The following TSHZ1 variants were observed in gnomAD, a reference collection of about 807,000 sequenced individuals.
TSHZ1 encodes the protein teashirt homolog 1.
TSHZ1 carries 12 observed loss-of-function variants against 67.1 expected under a neutral mutation model. The observed-to-expected ratio is 0.18, with a 90% CI of 0.11 to 0.29. The LOEUF is 0.29. Among genes scored for constraint, TSHZ1 ranks in the 10% least tolerant of loss-of-function variants. TSHZ1 has a pLI of 1.00. For missense variants in TSHZ1, 1,305 were observed against 1,413.9 expected, an observed-to-expected ratio of 0.92 and a Z score of 1.23; for synonymous variants, 632 against 622.4, an observed-to-expected ratio of 1.02 and a Z score of -0.23.
At chr18:75,213,548 G>A (rs975726096) in intron 1 of TSHZ1, among the ~76,000 whole-genome samples, 7 of 152,058 alleles carry the variant, frequency 4.6e-5, no homozygotes, top group Admixed American at 3.9e-4. Flanking sequence ...AACTTTTGCA[G>A]TTAAAATTGC....
rs767947621 is a variant in TSHZ1 at position 75,287,363 on chromosome 18, CAAG to C, written c.1960_1962del (p.Lys654del). ...AGAAGGTCACGGGCAAGGTCAACAT[CAAG>C]AAGGAGGAGAGACCCCCTGAGAAGG... On this transcript the variant is annotated inframe_deletion, in exon 2 of 2. Transcript: ENST00000580243. This position sits in a 1 kb window ranked among gnomAD's most constrained non-coding sequence, Gnocchi z 5.0. The C allele has an allele frequency of 6.2e-7, 1 of 1,614,098 alleles. No individual in the cohort carries two copies. The highest frequency in any genetic ancestry group is 1.1e-5 in the South Asian group (1 of 91,078).
chr18:75,281,170 G>A lies in TSHZ1; in HGVS notation c.41-4278G>A, dbSNP rs1436044664. ...GAATGTCACGGACCAGGAGTGGAGC[G>A]AGGTCATCTGGGGACGTTGGAAGGC... On this transcript the variant is annotated intron_variant, in intron 1 of 1. Transcript: ENST00000580243. The surrounding 1 kb of genome is among the most constrained non-coding windows in gnomAD (Gnocchi z 5.3). 1.3e-5 allele frequency among the ~76,000 whole-genome samples: 2 copies of A among 152,212 alleles called. No homozygotes were observed. The highest frequency in any genetic ancestry group is 1.3e-4 in the Admixed American group (2 of 15,290).
chr18:75,213,930 A>G (rs2022732723), intron 1 of TSHZ1, among the ~76,000 whole-genome samples: 1 of 152,216 alleles, frequency 6.6e-6, no homozygotes, highest in African/African-American at 2.4e-5. Flanking sequence ...TTGAGAGGGA[A>G]AAAACCCTAA....
chr18:75,218,146 T>G (rs1379729542), intron 1 of TSHZ1, among the ~76,000 whole-genome samples: 3 of 152,180 alleles, frequency 2.0e-5, no homozygotes, highest in African/African-American at 7.2e-5. Flanking sequence ...TTAGGTAGAT[T>G]AGAGCAAAGG....
In TSHZ1 at chr18:75,285,881, C is replaced by CACA; in HGVS notation, c.475_477dup (p.Thr159dup). ...AGAAGGAGAGCTCCGCCCCCACCCC[C>CACA]ACACCCCCCACCTGCCCCGTCAGCA... is the stretch of plus-strand genomic sequence containing the variant. On this transcript the variant is annotated inframe_insertion, in exon 2 of 2. Coordinates refer to ENST00000580243, the MANE Select transcript of TSHZ1 (RefSeq NM_001308210.2). 6.6e-7 allele frequency: 1 copy of CACA among 1,523,254 alleles called. No individual in the cohort carries two copies. The highest frequency in any genetic ancestry group is 8.9e-7 in the Non-Finnish European group (1 of 1,127,866). The allele number at this position is 1,523,254 out of a possible 1,614,324, so 94.4% of individuals were successfully genotyped here.
rs758255995 is a variant in TSHZ1 at position 75,287,029 on chromosome 18, T to G, written c.1622T>G (p.Leu541Arg). ...TLYPYLREEDLDDSPKGGLDI... is the reference protein window; with the variant it reads ...TLYPYLREEDRDDSPKGGLDI... ...TACCCGTACCTGCGTGAGGAGGACC[T>G]GGACGACAGCCCCAAGGGAGGGCTG... Residue 541 changes from leucine (L) to arginine (R), a missense_variant, in exon 2 of 2, where the codon CTG becomes CGG. Coordinates refer to ENST00000580243, the MANE Select transcript of TSHZ1 (RefSeq NM_001308210.2). The surrounding 1 kb of genome is among the most constrained non-coding windows in gnomAD (Gnocchi z 5.0). 2.5e-6 allele frequency: 4 copies of G among 1,613,922 alleles called. No individual in the cohort carries two copies. The Admixed American group carries it at 5.0e-5, about 20-fold the overall frequency.
intron 1 of TSHZ1, among the ~76,000 whole-genome samples, chr18:75,222,102 G>A (rs1411469612): frequency 2.6e-5 from 4 of 152,100 alleles, no homozygotes; most frequent in African/African-American, 7.2e-5. Flanking sequence ...GCGCACTGGC[G>A]GTTTTAAAAG....
At chr18:75,271,553 CT>C (rs754617745) in intron 1 of TSHZ1, among the ~76,000 whole-genome samples, 44 of 152,176 alleles carry the variant, frequency 2.9e-4, no homozygotes, top group Non-Finnish European at 5.3e-4. Flanking sequence ...CAGGATTTTG[CT>C]CCACCAAAGT....
intron 1 of TSHZ1, among the ~76,000 whole-genome samples, chr18:75,215,560 T>C (rs1021998348): frequency 1.3e-5 from 2 of 152,210 alleles, no homozygotes; most frequent in African/African-American, 2.4e-5. Context: ...TAGCTCTCAG[T>C]TGAACAGAGG....
chr18:75,281,967 G>GT lies in TSHZ1; in HGVS notation c.41-3480dup, dbSNP rs929770016. Reference sequence around the variant, plus strand: ...GCTTTGCTTCTTCCCTGGGACATGAGTCCCCGTCCCTAGGGCAGGGACTTT... The same window carrying GT: ...GCTTTGCTTCTTCCCTGGGACATGAGTTCCCCGTCCCTAGGGCAGGGACTTT... On this transcript the variant is annotated intron_variant, in intron 1 of 1. Transcript: ENST00000580243. The surrounding 1 kb of genome is among the most constrained non-coding windows in gnomAD (Gnocchi z 5.3). Among the ~76,000 whole-genome samples the GT allele has an allele frequency of 5.9e-5, 9 of 152,272 alleles. No homozygotes were observed. Among genetic ancestry groups the GT allele is most frequent in the Admixed American group, 2.6e-4 (4 of 15,306 alleles).
rs1178412269 is a variant in TSHZ1, at chr18:75,211,391, C to CA, written c.-483dup. 1.3e-5 allele frequency: 2 copies of CA among 151,516 alleles called. No homozygotes were observed. The highest frequency in any genetic ancestry group is 2.9e-5 in the Non-Finnish European group (2 of 67,836). The allele number at this position is 151,516 out of a possible 1,614,324, so 9.4% of individuals were successfully genotyped here. On this transcript the variant is annotated 5_prime_UTR_variant, in exon 1 of 2. Transcript: ENST00000580243. ...CACTAAAAACACTCGCCGCGACCCC[C>CA]AAACAGCGAGGAGAGAGGGGGAGAG... is the stretch of plus-strand genomic sequence containing the variant.
At chr18:75,277,295 T>C (rs2023625177) in intron 1 of TSHZ1, among the ~76,000 whole-genome samples, 1 of 152,100 alleles carries the variant, frequency 6.6e-6, no homozygotes, top group African/African-American at 2.4e-5. Flanking sequence ...TTTATTTGAG[T>C]GGCATGAAGC....
At chr18:75,221,415 G>C (rs1449889026) in intron 1 of TSHZ1, among the ~76,000 whole-genome samples, 1 of 152,218 alleles carries the variant, frequency 6.6e-6, no homozygotes, top group African/African-American at 2.4e-5. Context: ...GAACTTTTCA[G>C]AAACCTGTAT....
chr18:75,215,124 C>T (rs2022749301), intron 1 of TSHZ1, among the ~76,000 whole-genome samples: 1 of 152,068 alleles, frequency 6.6e-6, no homozygotes, highest in Non-Finnish European at 1.5e-5. Flanking sequence ...TTTATTTCTT[C>T]AATGCTGAAG....
Position 75,255,090 on chromosome 18 carries a change from T to G in TSHZ1, c.41-30358T>G, listed in dbSNP as rs184420090. ...AACACACCTTCTGTATCTGTTTTAA[T>G]GTATGTATCCTTTGAATTGAATTTG... On this transcript the variant is annotated intron_variant, in intron 1 of 1. Coordinates refer to ENST00000580243, the MANE Select transcript of TSHZ1 (RefSeq NM_001308210.2). 2.1e-4 allele frequency among the ~76,000 whole-genome samples: 32 copies of G among 152,358 alleles called. No individual in the cohort carries two copies. In the East Asian group the frequency reaches 6.0e-3, roughly 28 times the overall value.
Position 75,250,928 on chromosome 18 carries a change from C to T in TSHZ1, c.41-34520C>T, listed in dbSNP as rs562931980. On this transcript the variant is annotated intron_variant, in intron 1 of 1. Coordinates refer to ENST00000580243, the MANE Select transcript of TSHZ1 (RefSeq NM_001308210.2). Reference sequence around the variant, plus strand: ...CCGACACCTATTTCAGTGCCTGTGCCCTCAAGATGTACCAGCCCCGGGCGT... The same window carrying T: ...CCGACACCTATTTCAGTGCCTGTGCTCTCAAGATGTACCAGCCCCGGGCGT... Among the ~76,000 whole-genome samples the T allele has an allele frequency of 5.9e-5, 9 of 152,318 alleles. No homozygotes were observed. In the East Asian group the frequency reaches 1.2e-3, roughly 20 times the overall value.
At chr18:75,259,445 C>T (rs1367360140) in intron 1 of TSHZ1, among the ~76,000 whole-genome samples, 1 of 152,076 alleles carries the variant, frequency 6.6e-6, no homozygotes, top group Non-Finnish European at 1.5e-5. Flanking sequence ...CTTGTACAGT[C>T]CTACACGGTC....
At chr18:75,280,121 A>C (rs888541223) in intron 1 of TSHZ1, among the ~76,000 whole-genome samples, 1 of 152,262 alleles carries the variant, frequency 6.6e-6, no homozygotes, top group Non-Finnish European at 1.5e-5. Flanking sequence ...CCATGTCATT[A>C]AAACATACTT....
intron 1 of TSHZ1, among the ~76,000 whole-genome samples, chr18:75,246,063 C>T (rs1050526039): frequency 6.6e-6 from 1 of 152,190 alleles, no homozygotes; most frequent in South Asian, 2.1e-4. Flanking sequence ...TCACCAGCAC[C>T]GAAGCGCCTT....
Sources: gnomAD v4.1 joint callset for allele counts (sites outside exome capture counted in the v4.1 genomes callset) on GRCh38, gnomAD v4.1.1 for gene constraint, Gnocchi (gnomAD v3.1) non-coding constraint, MANE v1.5 for transcripts, NCBI Gene and HGNC (gene_info 2026-07-23, HGNC 2026-07-21) for gene names.